CMSS1: variants seen among roughly 807,000 people sequenced by gnomAD.
CMSS1 encodes the protein cms1 ribosomal small subunit homolog.
A neutral mutation model predicts 43.5 loss-of-function variants in CMSS1; 33 were observed. The observed-to-expected ratio is 0.76, with a 90% CI of 0.57 to 1.01. CMSS1 has a LOEUF of 1.01. Among genes scored for constraint, CMSS1 ranks in the 50% least tolerant of loss-of-function variants. The pLI, the probability that CMSS1 is intolerant of heterozygous loss-of-function variation, is 0.00. For synonymous variants in CMSS1, 115 were observed against 117.2 expected, an observed-to-expected ratio of 0.98 and a Z score of 0.12; for missense variants, 313 against 326.4, an observed-to-expected ratio of 0.96 and a Z score of 0.32.
chr3:99,996,352 T>C (rs563712766), intron 1 of CMSS1, among the ~76,000 whole-genome samples: 9 of 152,318 alleles, frequency 5.9e-5, no homozygotes, highest in African/African-American at 2.2e-4. Context: ...CTGGACCTTA[T>C]TGTCCATATC....
At chr3:100,084,377 A>G (rs1288121697) in intron 1 of CMSS1, among the ~76,000 whole-genome samples, 1 of 152,206 alleles carries the variant, frequency 6.6e-6, no homozygotes, top group Non-Finnish European at 1.5e-5. Flanking sequence ...AAACTAGTTA[A>G]TTTGGACCTA....
chr3:100,011,980 T>C (rs1487505743), intron 1 of CMSS1, among the ~76,000 whole-genome samples: 2 of 152,354 alleles, frequency 1.3e-5, no homozygotes, highest in Admixed American at 6.5e-5. Flanking sequence ...CTTTCTGATA[T>C]TTCGATTATG....
At chr3:100,002,808 C>T (rs1709881099) in intron 1 of CMSS1, among the ~76,000 whole-genome samples, 1 of 152,164 alleles carries the variant, frequency 6.6e-6, no homozygotes, top group Non-Finnish European at 1.5e-5. Context: ...ATACATCCCA[C>T]CCCTATGACT....
rs374276746 is a variant in CMSS1, at chr3:99,870,449, T to C, written c.64+52406T>C. On this transcript the variant is annotated intron_variant, in intron 1 of 9. Coordinates refer to ENST00000421999, the MANE Select transcript of CMSS1 (RefSeq NM_032359.4). Reference sequence around the variant, plus strand: ...GTGTAGCTGATCTCTCCTACCTTCATTGCATTACCAGTCAATTAAAATAGA... The same window carrying C: ...GTGTAGCTGATCTCTCCTACCTTCACTGCATTACCAGTCAATTAAAATAGA... 3.8e-4 allele frequency among the ~76,000 whole-genome samples: 58 copies of C among 152,332 alleles called. 1 individual carries two copies. The South Asian group carries it at 0.011, about 30-fold the overall frequency.
intron 1 of CMSS1, among the ~76,000 whole-genome samples, chr3:100,012,661 C>T (rs1710192036): frequency 1.3e-5 from 2 of 152,054 alleles, no homozygotes; most frequent in African/African-American, 4.8e-5. Flanking sequence ...TCATAAAAGG[C>T]AGACATACAT....
chr3:99,850,272 C>T, intron 1 of CMSS1: 1 of 1,613,850 alleles, frequency 6.2e-7, no homozygotes, highest in Non-Finnish European at 8.5e-7. Context: ...GCTCTTTGAT[C>T]CTTACTTTTA....
chr3:100,032,596 A>G (rs566028371), intron 1 of CMSS1, among the ~76,000 whole-genome samples: 1 of 152,346 alleles, frequency 6.6e-6, no homozygotes, highest in South Asian at 2.1e-4. Flanking sequence ...TCACAAGAAC[A>G]CATAAAAATC....
chr3:100,019,254 G>A (rs938462295), intron 1 of CMSS1, among the ~76,000 whole-genome samples: 1 of 152,144 alleles, frequency 6.6e-6, no homozygotes, highest in Non-Finnish European at 1.5e-5. Context: ...CAGCTACTCG[G>A]GAGGCTGAGG....
At chr3:100,097,136 T>C (rs181077942) in intron 1 of CMSS1, among the ~76,000 whole-genome samples, 257 of 152,216 alleles carry the variant, frequency 1.7e-3, no homozygotes, top group Middle Eastern at 3.4e-3. Flanking sequence ...ACAAACCCTA[T>C]TGTGAACTAC....
chr3:100,006,585 G>C (rs191777604), intron 1 of CMSS1, among the ~76,000 whole-genome samples: 1 of 149,700 alleles, frequency 6.7e-6, no homozygotes, highest in Admixed American at 6.7e-5. Context: ...TACCCTTTTT[G>C]TTTAGTACTG....
intron 1 of CMSS1, among the ~76,000 whole-genome samples, chr3:100,022,657 G>A (rs762236127): frequency 5.9e-5 from 9 of 152,208 alleles, no homozygotes; most frequent in Non-Finnish European, 1.3e-4. Context: ...AAGAAAGAGG[G>A]AGATTCCATT....
At chr3:99,850,671 A>T in intron 1 of CMSS1, 1 of 1,614,044 alleles carries the variant, frequency 6.2e-7, no homozygotes, top group Non-Finnish European at 8.5e-7. Flanking sequence ...CTTCTAACTC[A>T]TCAATCTGCC....
intron 1 of CMSS1, among the ~76,000 whole-genome samples, chr3:99,995,689 TC>T (rs987189910): frequency 6.6e-6 from 1 of 152,224 alleles, no homozygotes; most frequent in Non-Finnish European, 1.5e-5. Context: ...AGGCAGAGGT[TC>T]CCAAACCCCA....
At chr3:100,166,453 G>A (rs2107529140) in intron 5 of CMSS1, 59 bp downstream of exon 5, 2 of 1,193,136 alleles carry the variant, frequency 1.7e-6, no homozygotes, top group Admixed American at 1.8e-5. Flanking sequence ...CTGGTTTTGG[G>A]AATTTAGGTT....
chr3:100,034,461 T>G (rs906672293), intron 1 of CMSS1, among the ~76,000 whole-genome samples: 16 of 152,326 alleles, frequency 1.1e-4, no homozygotes, highest in South Asian at 2.1e-4. Flanking sequence ...ATGCACTTTT[T>G]GAATCAACAT....
intron 1 of CMSS1, among the ~76,000 whole-genome samples, chr3:100,073,033 A>G (rs944384673): frequency 1.3e-5 from 2 of 152,204 alleles, no homozygotes; most frequent in Non-Finnish European, 2.9e-5. Flanking sequence ...GATTAATATC[A>G]GAGGCAAAGC....
At chr3:100,116,687 G>A (rs776732385) in intron 1 of CMSS1, among the ~76,000 whole-genome samples, 17 of 152,190 alleles carry the variant, frequency 1.1e-4, no homozygotes, top group Non-Finnish European at 1.9e-4. Flanking sequence ...CACACTGATA[G>A]CTGCATTTCC....
chr3:99,862,067 A>C (rs747770757), intron 1 of CMSS1, among the ~76,000 whole-genome samples: 8 of 152,232 alleles, frequency 5.3e-5, no homozygotes, highest in Non-Finnish European at 1.2e-4. Context: ...GTACTAAAAG[A>C]GTAGGTTTTA....
intron 1 of CMSS1, among the ~76,000 whole-genome samples, chr3:99,945,109 C>T (rs1468892232): frequency 6.6e-6 from 1 of 152,194 alleles, no homozygotes; most frequent in Non-Finnish European, 1.5e-5. Flanking sequence ...AGTCACCCTG[C>T]TGTGCTCTCC....
Sources: gnomAD v4.1 joint callset for allele counts (sites outside exome capture counted in the v4.1 genomes callset) on GRCh38, gnomAD v4.1.1 for gene constraint, MANE v1.5 for transcripts, NCBI Gene and HGNC (gene_info 2026-07-23, HGNC 2026-07-21) for gene names.